LIN28B: variants seen among roughly 807,000 people sequenced by gnomAD.
LIN28B encodes lin-28 RNA binding posttranscriptional regulator B, also known as protein lin-28 homolog B.
In LIN28B, 5 loss-of-function variants were observed where a neutral mutation model predicts 21.9. That is an observed-to-expected ratio of 0.23 (90% confidence interval 0.12 to 0.48). The LOEUF is 0.48. Ranked by LOEUF, LIN28B falls within the 20% of genes least tolerant of loss-of-function variation. The pLI is 0.98. For synonymous variants in LIN28B, 109 were observed against 111.3 expected, an observed-to-expected ratio of 0.98 and a Z score of 0.13; for missense variants, 245 against 310.5, an observed-to-expected ratio of 0.79 and a Z score of 1.58.
chr6:105,050,458 C>T lies in LIN28B; in HGVS notation c.383+23976C>T, dbSNP rs369458012. Among the ~76,000 whole-genome samples, 22 of 151,104 alleles carry T rather than the reference C, an allele frequency of 1.5e-4. No homozygotes were observed. In the East Asian group the frequency reaches 3.3e-3, roughly 23 times the overall value. On this transcript the variant is annotated intron_variant, in intron 3 of 3. Coordinates refer to ENST00000345080, the MANE Select transcript of LIN28B (RefSeq NM_001004317.4). ...TCTACTAAAAATACAAAAAATTAGC[C>T]GGGCGCGGTGGCGGGTGCCTGTAGT...
intron 2 of LIN28B, among the ~76,000 whole-genome samples, chr6:104,949,280 A>G (rs1431507061): frequency 2.0e-5 from 3 of 152,206 alleles, no homozygotes; most frequent in African/African-American, 7.2e-5. Flanking sequence ...GCTCTGTTTC[A>G]TTAAGTGTCT....
At chr6:104,943,612 A>G (rs1303753584) in intron 2 of LIN28B, among the ~76,000 whole-genome samples, 2 of 152,158 alleles carry the variant, frequency 1.3e-5, no homozygotes, top group African/African-American at 4.8e-5. Context: ...GGCGTTACAA[A>G]TTTTTGGACA....
chr6:105,009,933 A>G (rs768496616), intron 2 of LIN28B, among the ~76,000 whole-genome samples: 1 of 152,112 alleles, frequency 6.6e-6, no homozygotes, highest in African/African-American at 2.4e-5. Context: ...ATTCATATTC[A>G]TATTCATTTC....
chr6:105,046,127 A>G (rs963440817), intron 3 of LIN28B, among the ~76,000 whole-genome samples: 4 of 152,054 alleles, frequency 2.6e-5, no homozygotes, highest in African/African-American at 9.7e-5. Context: ...TTAACTCAAC[A>G]TTTACATTAG....
At chr6:105,001,282 CA>C (rs1375112123) in intron 2 of LIN28B, among the ~76,000 whole-genome samples, 1 of 152,206 alleles carries the variant, frequency 6.6e-6, no homozygotes, top group Non-Finnish European at 1.5e-5. Flanking sequence ...CTGTGGAACA[CA>C]TATAAATCAT....
intron 2 of LIN28B, among the ~76,000 whole-genome samples, chr6:104,961,372 G>A (rs1008040433): frequency 1.3e-5 from 2 of 151,938 alleles, no homozygotes; most frequent in Admixed American, 6.6e-5. Context: ...AAGGATATAC[G>A]TGGTTAATAC....
At position 104,984,663 on chromosome 6, in the gene LIN28B, T is replaced by G. The variant is rs548382837; in HGVS notation, c.198+26377T>G. Among the ~76,000 whole-genome samples the G allele has an allele frequency of 2.0e-4, 31 of 152,276 alleles. No individual in the cohort carries two copies. In the South Asian group the frequency reaches 5.8e-3, roughly 28 times the overall value. ...GTTGACCAGGCTGGTCTTGAACACC[T>G]GGCCTCAAACAGTCCTCTCACCTTG... On this transcript the variant is annotated intron_variant, in intron 2 of 3. Transcript: ENST00000345080.
intron 2 of LIN28B, among the ~76,000 whole-genome samples, chr6:104,941,847 CA>C (rs1439822888): frequency 6.6e-6 from 1 of 152,166 alleles, no homozygotes; most frequent in East Asian, 1.9e-4. Context: ...ATTTGTACTC[CA>C]AAAACTTTTT....
chr6:105,047,203 A>G (rs1771787696), intron 3 of LIN28B, among the ~76,000 whole-genome samples: 1 of 152,188 alleles, frequency 6.6e-6, no homozygotes, highest in African/African-American at 2.4e-5. Flanking sequence ...TATAAGGTGT[A>G]AGGAAGGGAT....
At chr6:104,947,650 G>A (rs1435002576) in intron 2 of LIN28B, among the ~76,000 whole-genome samples, 2 of 150,880 alleles carry the variant, frequency 1.3e-5, no homozygotes, top group African/African-American at 4.9e-5. Context: ...TAAAATAATT[G>A]GAATTATTTT....
chr6:104,972,615 G>GT (rs1464900460), intron 2 of LIN28B, among the ~76,000 whole-genome samples: 2 of 152,082 alleles, frequency 1.3e-5, no homozygotes, highest in African/African-American at 4.8e-5. Context: ...GTGGGTTATT[G>GT]TAAGTATAAG....
intron 2 of LIN28B, among the ~76,000 whole-genome samples, chr6:105,013,761 TA>T (rs1770970192): frequency 6.6e-6 from 1 of 151,792 alleles, no homozygotes; most frequent in Non-Finnish European, 1.5e-5. Flanking sequence ...TTAGCCTTAA[TA>T]AAAAAAATTA....
chr6:104,955,048 A>AGATTTTTTTCCTCTTATACCAGATGTT (rs1778268261), upstream of LIN28B, among the ~76,000 whole-genome samples: 1 of 152,206 alleles, frequency 6.6e-6, no homozygotes, highest in African/African-American at 2.4e-5. Context: ...ATACTTTCTG[A>AGATTTTTTTCCTCTTATACCAGATGTT]GATTTTTTTC....
rs78393444 is a variant in LIN28B, at chr6:105,037,103, A to G, written c.383+10621A>G. 7.8e-4 allele frequency among the ~76,000 whole-genome samples: 119 copies of G among 152,288 alleles called. 2 individuals are homozygous for G. Among genetic ancestry groups the G allele is most frequent in the African/African-American group, 2.5e-3 (102 of 41,554 alleles). ...TTATATCTGCTAACTATGACATCCAATCTGTTCCTGTGTGAACAGAGTAAG... is the reference window on the plus strand; with the variant it reads ...TTATATCTGCTAACTATGACATCCAGTCTGTTCCTGTGTGAACAGAGTAAG... On this transcript the variant is annotated intron_variant, in intron 3 of 3. Coordinates refer to ENST00000345080, the MANE Select transcript of LIN28B (RefSeq NM_001004317.4).
chr6:104,984,754 A>G (rs982599577), intron 2 of LIN28B, among the ~76,000 whole-genome samples: 4 of 152,224 alleles, frequency 2.6e-5, no homozygotes, highest in Non-Finnish European at 5.9e-5. Flanking sequence ...AGTTAGTAAC[A>G]CAAAAGTAAA....
chr6:104,978,997 A>G (rs1770163109), intron 2 of LIN28B, among the ~76,000 whole-genome samples: 1 of 152,114 alleles, frequency 6.6e-6, no homozygotes, highest in African/African-American at 2.4e-5. Context: ...GTTTTTAGTT[A>G]CTAGTTTTTA....
chr6:105,039,252 A>G (rs894807718), intron 3 of LIN28B, among the ~76,000 whole-genome samples: 2 of 152,182 alleles, frequency 1.3e-5, no homozygotes, highest in African/African-American at 2.4e-5. Context: ...TGTTTTCTCA[A>G]TGTGGGGCAT....
At chr6:105,061,840 T>C (rs1345937721) in intron 3 of LIN28B, among the ~76,000 whole-genome samples, 2 of 152,090 alleles carry the variant, frequency 1.3e-5, no homozygotes, top group Non-Finnish European at 2.9e-5. Flanking sequence ...TCATGAACAA[T>C]GTGTACATAA....
intron 2 of LIN28B, among the ~76,000 whole-genome samples, chr6:105,000,511 A>G (rs1481185965): frequency 6.6e-6 from 1 of 152,194 alleles, no homozygotes; most frequent in Non-Finnish European, 1.5e-5. Flanking sequence ...GCAAAATTCT[A>G]TTTTAATGCT....
Sources: gnomAD v4.1 joint callset for allele counts (sites outside exome capture counted in the v4.1 genomes callset) on GRCh38, gnomAD v4.1.1 for gene constraint, MANE v1.5 for transcripts, NCBI Gene and HGNC (gene_info 2026-07-23, HGNC 2026-07-21) for gene names.